Variants in ZNF407 observed in about 807,000 individuals in gnomAD.
ZNF407 encodes zinc finger protein 407.
In ZNF407, 17 loss-of-function variants were observed where a neutral mutation model predicts 131.2. The ratio of observed to expected loss-of-function variants is 0.13; its 90% confidence interval spans 0.09 to 0.19. The LOEUF (loss-of-function observed/expected upper bound fraction) is 0.19. ZNF407 is among the 10% of genes least tolerant of loss of function. The pLI is 1.00. For synonymous variants in ZNF407, 1,156 were observed against 1,062.0 expected (o/e 1.09, Z -1.72); for missense variants, 2,681 against 2,830.6 (o/e 0.95, Z 1.20).
At chr18:74,664,792 C>G (rs367901544) in intron 3 of ZNF407, among the ~76,000 whole-genome samples, 1 of 151,956 alleles carries the variant, frequency 6.6e-6, no homozygotes, top group African/African-American at 2.4e-5. Flanking sequence ...CTGTTTTTGG[C>G]GCTGCGTATC....
intron 7 of ZNF407, among the ~76,000 whole-genome samples, chr18:74,915,208 C>T (rs545691202): frequency 1.3e-5 from 2 of 152,184 alleles, no homozygotes; most frequent in South Asian, 2.1e-4. Flanking sequence ...AGGAGCAGTG[C>T]GAGGCCAGGA....
chr18:74,602,159 AC>A, intron 1 of ZNF407, among the ~76,000 whole-genome samples: 1 of 152,286 alleles, frequency 6.6e-6, no homozygotes, highest in East Asian at 1.9e-4. Flanking sequence ...AATTCCAACT[AC>A]CTGGAATAAA....
At chr18:75,024,171 A>T (rs556413230) in intron 8 of ZNF407, among the ~76,000 whole-genome samples, 2 of 152,330 alleles carry the variant, frequency 1.3e-5, no homozygotes, top group East Asian at 3.9e-4. Context: ...TTATGTTTTC[A>T]AGAACTCCTA....
At chr18:74,939,030 T>C (rs556538707) in intron 8 of ZNF407, among the ~76,000 whole-genome samples, 7 of 152,342 alleles carry the variant, frequency 4.6e-5, no homozygotes, top group African/African-American at 1.7e-4. Context: ...AGACATAATC[T>C]AAGGTGTGAG....
At chr18:74,987,540 G>A (rs930209267) in intron 8 of ZNF407, among the ~76,000 whole-genome samples, 2 of 152,180 alleles carry the variant, frequency 1.3e-5, no homozygotes, top group Admixed American at 6.5e-5. Context: ...AGCAATAAGA[G>A]AATGTCTCCT....
chr18:74,819,384 C>T lies in ZNF407; in HGVS notation c.4877+37882C>T, dbSNP rs575262873. Among the ~76,000 whole-genome samples, 24 of 152,094 alleles carry T rather than the reference C, an allele frequency of 1.6e-4. No homozygotes were observed. In the East Asian group the frequency reaches 2.3e-3, roughly 15 times the overall value. ...CTTTAAATACAGAATGTATAATATCCGGTGAGGGTGATAGGCCTTCCTAAT... is the reference window on the plus strand; with the variant it reads ...CTTTAAATACAGAATGTATAATATCTGGTGAGGGTGATAGGCCTTCCTAAT... On this transcript the variant is annotated intron_variant, in intron 4 of 8. Coordinates refer to ENST00000299687, the MANE Select transcript of ZNF407 (RefSeq NM_017757.3).
chr18:74,947,789 T>C (rs1972170180), intron 8 of ZNF407, among the ~76,000 whole-genome samples: 1 of 152,248 alleles, frequency 6.6e-6, no homozygotes, highest in African/African-American at 2.4e-5. Flanking sequence ...AGTGAAGCGC[T>C]AAGCCTCTGT....
At chr18:74,771,132 T>C (rs1262505204) in intron 3 of ZNF407, among the ~76,000 whole-genome samples, 1 of 152,130 alleles carries the variant, frequency 6.6e-6, no homozygotes. Flanking sequence ...TTCTGTATGG[T>C]AATTAAAACC....
chr18:74,654,507 T>G (rs1014565549), intron 3 of ZNF407, among the ~76,000 whole-genome samples: 4 of 152,008 alleles, frequency 2.6e-5, no homozygotes, highest in Middle Eastern at 3.4e-3. Flanking sequence ...ACTTGCCAGC[T>G]AATTTAACTT....
chr18:74,624,474 TG>T (rs1436117570), intron 1 of ZNF407, among the ~76,000 whole-genome samples: 4 of 152,244 alleles, frequency 2.6e-5, no homozygotes, highest in Non-Finnish European at 5.9e-5. Context: ...TGCTTACTGA[TG>T]TCATTCTAGT....
At chr18:74,605,153 C>T (rs921948418) in intron 1 of ZNF407, among the ~76,000 whole-genome samples, 2 of 152,110 alleles carry the variant, frequency 1.3e-5, no homozygotes, top group Non-Finnish European at 2.9e-5. Context: ...TCTGCCTTCC[C>T]GGGGCCATTT....
At chr18:74,861,563 T>C (rs144449075) in intron 4 of ZNF407, among the ~76,000 whole-genome samples, 2 of 152,186 alleles carry the variant, frequency 1.3e-5, no homozygotes, top group East Asian at 3.8e-4. Context: ...CAGGAATAAC[T>C]TTATTTAGCT....
chr18:74,755,578 T>A (rs62097733), intron 3 of ZNF407, among the ~76,000 whole-genome samples: 1 of 19,318 alleles, frequency 5.2e-5, no homozygotes, highest in Non-Finnish European at 1.1e-4. Flanking sequence ...CTTCCTCCTT[T>A]CTGGTTTTTT....
At chr18:74,819,349 T>C (rs1970309655) in intron 4 of ZNF407, among the ~76,000 whole-genome samples, 1 of 152,226 alleles carries the variant, frequency 6.6e-6, no homozygotes, top group Non-Finnish European at 1.5e-5. Context: ...TTTTGGTTTC[T>C]GAGAGTAGTC....
At chr18:74,715,381 C>T (rs1347627781) in intron 3 of ZNF407, among the ~76,000 whole-genome samples, 1 of 152,218 alleles carries the variant, frequency 6.6e-6, no homozygotes, top group Non-Finnish European at 1.5e-5. Flanking sequence ...CAGACTCTGG[C>T]ATATTGTGGC....
intron 1 of ZNF407, among the ~76,000 whole-genome samples, chr18:74,621,028 G>A (rs1336052841): frequency 1.3e-5 from 2 of 151,974 alleles, no homozygotes; most frequent in Admixed American, 6.6e-5. Context: ...CAAAATGAGC[G>A]GATTTTTCAG....
intron 8 of ZNF407, among the ~76,000 whole-genome samples, chr18:75,054,932 G>C (rs1251140155): frequency 6.6e-6 from 1 of 152,238 alleles, no homozygotes; most frequent in Non-Finnish European, 1.5e-5. Context: ...CGTGTTCTCA[G>C]CCATTGTCAC....
rs777685940 is a variant in ZNF407, at chr18:74,633,560, C to T, written c.2541C>T (p.Asn847=). Residue 847 remains asparagine, a synonymous_variant, in exon 2 of 9, where the codon AAC becomes AAT. Coordinates refer to ENST00000299687, the MANE Select transcript of ZNF407 (RefSeq NM_017757.3). ...CAAAGAGAGGGAGACCTAAAGGTAA[C>T]ATCTCACGGACGTGTTCACACTGTG... The part of the protein sequence containing the change: ...TTPKRGRPKG[N]ISRTCSHCGL... 19 of 1,613,930 alleles carry T rather than the reference C, an allele frequency of 1.2e-5. No individual in the cohort carries two copies. Among genetic ancestry groups the T allele is most frequent in the Non-Finnish European group, 1.6e-5 (19 of 1,179,908 alleles).
At chr18:74,624,340 T>C (rs777796309) in intron 1 of ZNF407, among the ~76,000 whole-genome samples, 1 of 152,338 alleles carries the variant, frequency 6.6e-6, no homozygotes, top group African/African-American at 2.4e-5. Context: ...GTTGGTAATA[T>C]GCTACTTGTT....
Sources: gnomAD v4.1 joint callset for allele counts (sites outside exome capture counted in the v4.1 genomes callset) on GRCh38, gnomAD v4.1.1 for gene constraint, MANE v1.5 for transcripts, NCBI Gene and HGNC (gene_info 2026-07-23, HGNC 2026-07-21) for gene names.